GRB2: variants seen among roughly 807,000 people sequenced by gnomAD.
GRB2 encodes the protein growth factor receptor bound protein 2, also known as growth factor receptor-bound protein 2.
In GRB2, 2 loss-of-function variants were observed where a neutral mutation model predicts 27.4. The ratio of observed to expected loss-of-function variants is 0.07; its 90% confidence interval spans 0.03 to 0.23. The LOEUF (loss-of-function observed/expected upper bound fraction) is 0.23. Ranked by LOEUF, GRB2 falls within the 10% of genes least tolerant of loss-of-function variation. The probability of loss-of-function intolerance (pLI) is 1.00; values close to 1 mark genes in which losing one functional copy is unlikely to be tolerated. For synonymous variants in GRB2, 94 were observed against 99.6 expected (o/e 0.94, Z 0.33); for missense variants, 102 against 282.4 (o/e 0.36, Z 4.58).
intron 2 of GRB2, among the ~76,000 whole-genome samples, chr17:75,343,677 G>A (rs201129538): frequency 0.023 from 2,065 of 91,082 alleles, 44 homozygotes; most frequent in African/African-American, 0.05. Context: ...AAACCTAAAT[G>A]CATAGACAAA....
At chr17:75,376,367 A>AAAAT (rs1555612122) in intron 2 of GRB2, among the ~76,000 whole-genome samples, 34 of 142,702 alleles carry the variant, frequency 2.4e-4, no homozygotes, top group Non-Finnish European at 4.8e-4. Flanking sequence ...AAAAAAAAAA[A>AAAAT]TTTTTTAACC....
chr17:75,343,063 A>AAAAAAAG (rs1567861729), intron 2 of GRB2, among the ~76,000 whole-genome samples: 1 of 141,262 alleles, frequency 7.1e-6, no homozygotes. Context: ...AAAAAAAAAA[A>AAAAAAAG]GGTATAAGAT....
Position 75,335,333 on chromosome 17 carries a change from T to C in GRB2, c.79-2536A>G, listed in dbSNP as rs147131762. ...AATGTTGGCTAGTACAGTGGTAATCTACACTGCATAACAAAGTTCTGAGAG... is the reference window on the plus strand; with the variant it reads ...AATGTTGGCTAGTACAGTGGTAATCCACACTGCATAACAAAGTTCTGAGAG... On this transcript the variant is annotated intron_variant, in intron 2 of 5. Coordinates refer to ENST00000316804, the MANE Select transcript of GRB2 (RefSeq NM_002086.5). Among the ~76,000 whole-genome samples the C allele has an allele frequency of 8.8e-3, 1,334 of 152,272 alleles. 17 individuals are homozygous for C. The highest frequency in any genetic ancestry group is 0.03 in the African/African-American group (1,257 of 41,542).
chr17:75,382,178 G>A (rs532627915), intron 2 of GRB2, among the ~76,000 whole-genome samples: 1 of 151,136 alleles, frequency 6.6e-6, no homozygotes, highest in African/African-American at 2.4e-5. Flanking sequence ...AGCCGAGATC[G>A]CGCCACTGTA....
At chr17:75,381,241 A>G (rs1362934670) in intron 2 of GRB2, among the ~76,000 whole-genome samples, 3 of 152,236 alleles carry the variant, frequency 2.0e-5, no homozygotes, top group Non-Finnish European at 2.9e-5. Flanking sequence ...AAAAATGTAT[A>G]CATAATGACA....
At chr17:75,326,242 G>A in intron 3 of GRB2, 1 of 559,150 alleles carries the variant, frequency 1.8e-6, no homozygotes, top group Non-Finnish European at 3.2e-6. Context: ...GACTCACCAA[G>A]GCACTAACCG....
intron 2 of GRB2, among the ~76,000 whole-genome samples, chr17:75,370,458 T>C (rs1307472125): frequency 6.6e-6 from 1 of 152,210 alleles, no homozygotes; most frequent in Non-Finnish European, 1.5e-5. Flanking sequence ...GGTACAGCTA[T>C]GTTTGGCACC....
chr17:75,339,665 T>C (rs1326155133), intron 2 of GRB2, among the ~76,000 whole-genome samples: 2 of 151,086 alleles, frequency 1.3e-5, no homozygotes, highest in Admixed American at 6.6e-5. Flanking sequence ...TCACTCTTGT[T>C]ACCCAGGCTG....
chr17:75,379,942 G>A (rs1396509828), intron 2 of GRB2, among the ~76,000 whole-genome samples: 1 of 152,158 alleles, frequency 6.6e-6, no homozygotes, highest in African/African-American at 2.4e-5. Context: ...TCAAAAGTAC[G>A]TACATAAGAA....
intron 2 of GRB2, among the ~76,000 whole-genome samples, chr17:75,384,707 A>G (rs1280603070): frequency 6.6e-6 from 1 of 152,034 alleles, no homozygotes; most frequent in Admixed American, 6.6e-5. Context: ...AAATAATAAA[A>G]CTGATACATA....
rs989108949 is a variant in GRB2, at chr17:75,319,921, G to C, written c.*447C>G. The C allele has an allele frequency of 1.3e-5, 2 of 159,890 alleles. No individual in the cohort carries two copies. The highest frequency in any genetic ancestry group is 4.8e-5 in the African/African-American group (2 of 41,524). 9.9% of individuals were successfully genotyped at this position (159,890 alleles called of 1,614,324 possible). ...AGCGGCCCTGCCCGCTCCTTTTTGT[G>C]TGTATATACGAAGAACACAGGAACA... On this transcript the variant is annotated 3_prime_UTR_variant, in exon 6 of 6. Coordinates refer to ENST00000316804, the MANE Select transcript of GRB2 (RefSeq NM_002086.5).
intron 2 of GRB2, among the ~76,000 whole-genome samples, chr17:75,350,110 G>T (rs1215752571): frequency 1.3e-5 from 2 of 151,624 alleles, no homozygotes; most frequent in Non-Finnish European, 2.9e-5. Context: ...TATGCCTGCA[G>T]TCCCAGCTAC....
At chr17:75,401,462 A>AAG (rs1555613994) in intron 1 of GRB2, among the ~76,000 whole-genome samples, 4 of 151,908 alleles carry the variant, frequency 2.6e-5, no homozygotes, top group Non-Finnish European at 4.4e-5. Context: ...AAAAAAAAAA[A>AAG]AAAAAAAAAA....
Position 75,373,547 on chromosome 17 carries a change from C to A in GRB2, c.78+20004G>T, listed in dbSNP as rs970059474. 3 of 152,274 alleles carry A rather than the reference C, an allele frequency of 2.0e-5. No individual in the cohort carries two copies. In the East Asian group the frequency reaches 5.8e-4, roughly 29 times the overall value. 9.4% of individuals were successfully genotyped at this position (152,274 alleles called of 1,614,324 possible). A position where few individuals can be genotyped will look rare whatever the true frequency, so the allele number is the denominator to read the frequency against. On this transcript the variant is annotated intron_variant, in intron 2 of 5. Transcript: ENST00000316804. ...GAAACAAAAGTCCCCAGTAAGTCAGCCGTATCTGCATGGACAAAGCAGTCC... is the reference window on the plus strand; with the variant it reads ...GAAACAAAAGTCCCCAGTAAGTCAGACGTATCTGCATGGACAAAGCAGTCC...
intron 2 of GRB2, among the ~76,000 whole-genome samples, chr17:75,352,087 C>T (rs1049211955): frequency 3.3e-5 from 5 of 152,168 alleles, no homozygotes; most frequent in African/African-American, 7.2e-5. Context: ...AAATTAACTA[C>T]CTCCTTTTGC....
At chr17:75,335,057 G>C (rs2078567860) in intron 2 of GRB2, among the ~76,000 whole-genome samples, 1 of 151,958 alleles carries the variant, frequency 6.6e-6, no homozygotes, top group Non-Finnish European at 1.5e-5. Flanking sequence ...TCCTGCCTCA[G>C]CTTACCTAAG....
intron 2 of GRB2, among the ~76,000 whole-genome samples, chr17:75,385,652 T>G (rs940366306): frequency 5.3e-5 from 8 of 152,218 alleles, no homozygotes; most frequent in Admixed American, 5.2e-4. Flanking sequence ...AAGCCTCAGA[T>G]TTTTTGTCAG....
chr17:75,387,796 TA>T (rs1260029360), intron 2 of GRB2: 62 of 140,904 alleles, frequency 4.4e-4, no homozygotes, highest in Admixed American at 4.2e-4. Context: ...AGACTTCGCC[TA>T]AAAAAAAAAA....
At chr17:75,322,494 C>T (rs996077672) in intron 4 of GRB2, among the ~76,000 whole-genome samples, 1 of 151,948 alleles carries the variant, frequency 6.6e-6, no homozygotes, top group Non-Finnish European at 1.5e-5. Context: ...ATCTTATATG[C>T]AGGAAGAAGG....
Sources: gnomAD v4.1 joint callset for allele counts (sites outside exome capture counted in the v4.1 genomes callset) on GRCh38, gnomAD v4.1.1 for gene constraint, MANE v1.5 for transcripts, NCBI Gene and HGNC (gene_info 2026-07-23, HGNC 2026-07-21) for gene names.